Variants in SCARA5 observed in about 807,000 individuals in gnomAD.
SCARA5 encodes scavenger receptor class A member 5.
Under a neutral mutation model 46.3 loss-of-function variants are expected in SCARA5, and 45 were observed. That is an observed-to-expected ratio of 0.97 (90% CI 0.76 to 1.24). The LOEUF (loss-of-function observed/expected upper bound fraction) is 1.24, where lower values mean the gene tolerates loss of function less well. Among genes scored for constraint, SCARA5 ranks in the 50% most tolerant of loss-of-function variants. The pLI is 0.00. For synonymous variants in SCARA5, 333 were observed against 306.5 expected, an observed-to-expected ratio of 1.09 and a Z score of -0.90; for missense variants, 680 against 689.0, an observed-to-expected ratio of 0.99 and a Z score of 0.15.
rs2129646279 is a variant in SCARA5, at chr8:27,871,707, G to C, written c.*227C>G. 6 of 1,393,194 alleles carry C rather than the reference G, an allele frequency of 4.3e-6. No individual in the cohort carries two copies. In the South Asian group the frequency reaches 9.7e-5, roughly 22 times the overall value. The allele number at this position is 1,393,194 out of a possible 1,614,324, so 86.3% of individuals were successfully genotyped here. A position where few individuals can be genotyped will look rare whatever the true frequency, so the allele number is the denominator to read the frequency against. On this transcript the variant is annotated 3_prime_UTR_variant, in exon 9 of 9. Coordinates refer to ENST00000354914, the MANE Select transcript of SCARA5 (RefSeq NM_173833.6). ...ATCAGGGCTCCTCATGCAGGAACCT[G>C]GTGGAAGAGAGAGACGGGCAGTAGG...
At chr8:27,936,592 T>TAAAAAAACAAAAAAAAA (rs1807861160) in intron 3 of SCARA5, among the ~76,000 whole-genome samples, 1 of 31,314 alleles carries the variant, frequency 3.2e-5, no homozygotes, top group Admixed American at 6.9e-4. Context: ...GTGTCTCCAT[T>TAAAAAAACAAAAAAAAA]AAAAAAAAAA....
At chr8:27,906,989 A>C (rs148354421) in intron 6 of SCARA5, among the ~76,000 whole-genome samples, 159 bp downstream of exon 6, 14 of 152,268 alleles carry the variant, frequency 9.2e-5, no homozygotes, top group African/African-American at 3.4e-4. Context: ...TAGTTTTTGG[A>C]GGAAAAACTA....
chr8:27,949,839 C>G (rs1808096093), intron 3 of SCARA5, among the ~76,000 whole-genome samples: 1 of 152,208 alleles, frequency 6.6e-6, no homozygotes, highest in East Asian at 1.9e-4. Flanking sequence ...TGAAGAGGCC[C>G]TGCAGGTTGC....
intron 3 of SCARA5, among the ~76,000 whole-genome samples, chr8:27,951,716 T>G (rs1480776192): frequency 6.6e-6 from 1 of 152,150 alleles, no homozygotes; most frequent in African/African-American, 2.4e-5. Flanking sequence ...GGAAAATCCT[T>G]CCTCTTCCTC....
chr8:27,886,576 A>G (rs1323052145), intron 7 of SCARA5, among the ~76,000 whole-genome samples: 1 of 152,128 alleles, frequency 6.6e-6, no homozygotes, highest in Non-Finnish European at 1.5e-5. Flanking sequence ...GGTATAGGGG[A>G]GGCAGGCAGG....
At chr8:27,973,965 T>G (rs1361072313) in intron 2 of SCARA5, among the ~76,000 whole-genome samples, 1 of 152,164 alleles carries the variant, frequency 6.6e-6, no homozygotes, top group Non-Finnish European at 1.5e-5. Context: ...CAAAGAGTTT[T>G]TGCTAAGATA....
Position 27,872,047 on chromosome 8 carries a change from C to A in SCARA5, c.1375G>T (p.Asp459Tyr). Residue 459 changes from aspartate (D) to tyrosine (Y), a missense_variant, in exon 9 of 9, where the codon GAC becomes TAC. This residue lies in a region of SCARA5 where 219 missense variants were observed against 269.5 expected (regional missense o/e 0.81). Transcript: ENST00000354914. ...GQGTGRIWMD[D>Y]VACKGTEETI... The stretch of plus-strand genomic sequence containing the variant: ...TCCTCTGTGCCCTTGCAGGCAACGT[C>A]ATCCATCCAGATCCTCCCAGTGCCT... 2 of 1,614,240 alleles carry A rather than the reference C, an allele frequency of 1.2e-6. No individual in the cohort carries two copies. Among genetic ancestry groups the A allele is most frequent in the Non-Finnish European group, 1.7e-6 (2 of 1,180,038 alleles).
intron 7 of SCARA5, among the ~76,000 whole-genome samples, chr8:27,894,441 G>T (rs772617372): frequency 6.6e-5 from 10 of 152,370 alleles, no homozygotes; most frequent in Middle Eastern, 3.4e-3. Context: ...TCAGGCTTAA[G>T]GGAATGAGTC....
intron 7 of SCARA5, among the ~76,000 whole-genome samples, chr8:27,895,028 G>A (rs1343850783): frequency 6.6e-6 from 1 of 152,178 alleles, no homozygotes; most frequent in Non-Finnish European, 1.5e-5. Flanking sequence ...TGCCTCTACA[G>A]AAAAGCAGAG....
In SCARA5 at chr8:27,921,710, CGT is replaced by C; in HGVS notation, c.775_776del (p.Thr259AlafsTer54). On this transcript the variant is annotated frameshift_variant, in exon 4 of 9. Transcript: ENST00000354914. LOFTEE classifies it high-confidence loss of function. ...CTACGTGCGCCAGGCGCAGGCGGCG[CGT>C]GTCCTCGCTGGCGTTGCTCACCAGC... is the stretch of plus-strand genomic sequence containing the variant. ...RVLVSNASED[T>X]RRLRLAHVGM... 6.3e-7 allele frequency: 1 copy of C among 1,599,660 alleles called. No homozygotes were observed. The highest frequency in any genetic ancestry group is 8.5e-7 in the Non-Finnish European group (1 of 1,174,394).
intron 3 of SCARA5, among the ~76,000 whole-genome samples, chr8:27,926,087 T>G (rs1231060277): frequency 1.3e-5 from 2 of 152,310 alleles, no homozygotes; most frequent in East Asian, 3.9e-4. Flanking sequence ...GACCCAGCAG[T>G]GCCATTACTG....
intron 3 of SCARA5, among the ~76,000 whole-genome samples, chr8:27,928,734 C>T (rs1403034344): frequency 1.3e-5 from 2 of 151,830 alleles, no homozygotes; most frequent in Non-Finnish European, 2.9e-5. Flanking sequence ...GGCATGATCT[C>T]GGCTCACTGC....
chr8:27,922,856 T>A (rs1807621437), intron 3 of SCARA5, among the ~76,000 whole-genome samples: 1 of 152,162 alleles, frequency 6.6e-6, no homozygotes, highest in Non-Finnish European at 1.5e-5. Context: ...AGCAACTTTT[T>A]AAAAGAGGTT....
chr8:27,942,142 G>A (rs1384890881), intron 3 of SCARA5, among the ~76,000 whole-genome samples: 2 of 152,018 alleles, frequency 1.3e-5, no homozygotes, highest in Non-Finnish European at 2.9e-5. Flanking sequence ...ATTCACATGA[G>A]ATGAAGAGCT....
intron 3 of SCARA5, among the ~76,000 whole-genome samples, chr8:27,945,007 T>G (rs1199392951): frequency 2.0e-5 from 3 of 151,456 alleles, no homozygotes; most frequent in Non-Finnish European, 4.4e-5. Flanking sequence ...CTACTAAAAA[T>G]ACAAAAAATT....
chr8:27,932,872 C>T (rs1807798420), intron 3 of SCARA5, among the ~76,000 whole-genome samples: 1 of 152,200 alleles, frequency 6.6e-6, no homozygotes, highest in Non-Finnish European at 1.5e-5. Flanking sequence ...CTCAGATGAT[C>T]CGCCCATCTC....
chr8:27,921,364 C>T (rs1028787538), intron 4 of SCARA5, among the ~76,000 whole-genome samples: 3 of 152,210 alleles, frequency 2.0e-5, no homozygotes, highest in African/African-American at 7.2e-5. Flanking sequence ...GAGACCTGTG[C>T]AAGCCCTGGA....
At chr8:27,904,028 A>G (rs1263254163) in intron 7 of SCARA5, among the ~76,000 whole-genome samples, 1 of 9,796 alleles carries the variant, frequency 1.0e-4, no homozygotes. Flanking sequence ...TTCTACATGT[A>G]GCCCTCTCTA....
At chr8:27,952,030 TAAGATGAGGTTGTATTGGGTTGGGG>T (rs1808135637) in intron 3 of SCARA5, among the ~76,000 whole-genome samples, 3 of 98,104 alleles carry the variant, frequency 3.1e-5, no homozygotes, top group African/African-American at 1.2e-4. Context: ...GTAATCAAAC[TAAGATGAGGTTGTATTGGGTTGGGG>T]ACCAATATGA....
Sources: gnomAD v4.1 joint callset for allele counts (sites outside exome capture counted in the v4.1 genomes callset) on GRCh38, gnomAD v4.1.1 for gene constraint, gnomAD v4.1.1 regional missense constraint, MANE v1.5 for transcripts, NCBI Gene and HGNC (gene_info 2026-07-23, HGNC 2026-07-21) for gene names.